Variants in EIF2B3 observed in about 807,000 individuals in gnomAD.
EIF2B3 encodes translation initiation factor eIF2B subunit gamma.
A neutral mutation model predicts 54.1 loss-of-function variants in EIF2B3; 20 were observed. That is an observed-to-expected ratio of 0.37 (90% CI 0.26 to 0.54). The LOEUF (loss-of-function observed/expected upper bound fraction) is 0.54. Among genes scored for constraint, EIF2B3 ranks in the 20% least tolerant of loss-of-function variants. The pLI, the probability that EIF2B3 is intolerant of heterozygous loss-of-function variation, is 0.86. For missense variants in EIF2B3, 448 were observed against 547.8 expected (o/e 0.82, Z 1.82); for synonymous variants, 153 against 188.1 (o/e 0.81, Z 1.52).
At chr1:44,959,151 G>T in intron 3 of EIF2B3, 1 of 727,196 alleles carries the variant, frequency 1.4e-6, no homozygotes, top group East Asian at 2.5e-5. Flanking sequence ...AACCATCTAC[G>T]ATTGCACAGT....
chr1:44,877,189 C>CAAAAA (rs1655196149), intron 8 of EIF2B3, among the ~76,000 whole-genome samples: 1 of 29,464 alleles, frequency 3.4e-5, no homozygotes. Context: ...CAAGAATGAT[C>CAAAAA]AATAAAAAAA....
chr1:44,973,800 A>G (rs1435734345), intron 3 of EIF2B3, among the ~76,000 whole-genome samples: 3 of 152,196 alleles, frequency 2.0e-5, no homozygotes, highest in Non-Finnish European at 4.4e-5. Context: ...GGTAGCTGCC[A>G]TGGGCTAGGA....
chr1:44,863,990 C>T (rs1222578086), intron 10 of EIF2B3, among the ~76,000 whole-genome samples: 1 of 152,146 alleles, frequency 6.6e-6, no homozygotes, highest in African/African-American at 2.4e-5. Flanking sequence ...AAATTTCCTC[C>T]TTTTAGTTCT....
intron 10 of EIF2B3, among the ~76,000 whole-genome samples, chr1:44,868,397 CAAAAAAAAAAAAA>C (rs34094245): frequency 3.1e-5 from 2 of 65,436 alleles, no homozygotes; most frequent in South Asian, 6.2e-4. Context: ...GACTCCGTCT[CAAAAAAAAAAAAA>C]AAAAAAAAAA....
At chr1:44,906,703 A>T (rs935045215) in intron 5 of EIF2B3, among the ~76,000 whole-genome samples, 1 of 152,172 alleles carries the variant, frequency 6.6e-6, no homozygotes, top group African/African-American at 2.4e-5. Flanking sequence ...CCCGGGATAA[A>T]AGATATTATG....
At chr1:44,869,888 G>A (rs1162797743) in intron 10 of EIF2B3, among the ~76,000 whole-genome samples, 2 of 152,046 alleles carry the variant, frequency 1.3e-5, no homozygotes, top group South Asian at 2.1e-4. Flanking sequence ...TATAGAAGAC[G>A]AAGAATGATG....
At chr1:44,928,699 A>C (rs1394198030) in intron 4 of EIF2B3, among the ~76,000 whole-genome samples, 1 of 152,078 alleles carries the variant, frequency 6.6e-6, no homozygotes, top group Non-Finnish European at 1.5e-5. Context: ...AGGCTGCTAT[A>C]TTATTGCTAT....
chr1:44,864,422 C>T (rs1377363249), intron 10 of EIF2B3, among the ~76,000 whole-genome samples: 3 of 151,852 alleles, frequency 2.0e-5, no homozygotes, highest in South Asian at 2.1e-4. Context: ...ATTAGCCTGG[C>T]GTGATGGTGT....
chr1:44,853,924 G>T (rs1449100139), intron 11 of EIF2B3, among the ~76,000 whole-genome samples: 1 of 151,996 alleles, frequency 6.6e-6, no homozygotes, highest in Non-Finnish European at 1.5e-5. Context: ...TCTGGCCATA[G>T]GGAAGAGATC....
At chr1:44,913,109 TAAAAAAAAAAAA>T (rs552977811) in intron 5 of EIF2B3, among the ~76,000 whole-genome samples, 19 of 103,278 alleles carry the variant, frequency 1.8e-4, no homozygotes, top group South Asian at 3.5e-4. Flanking sequence ...CGGTTTTTGT[TAAAAAAAAAAAA>T]AAAAAAAAAA....
chr1:44,853,552 G>A (rs1028685710), intron 11 of EIF2B3, among the ~76,000 whole-genome samples: 2 of 152,164 alleles, frequency 1.3e-5, no homozygotes, highest in African/African-American at 4.8e-5. Context: ...GCTACAGTGA[G>A]CTGTGACTGT....
At chr1:44,875,942 G>A (rs1398443780) in intron 8 of EIF2B3, among the ~76,000 whole-genome samples, 3 of 152,186 alleles carry the variant, frequency 2.0e-5, no homozygotes, top group Non-Finnish European at 2.9e-5. Flanking sequence ...GCGCCGCCAC[G>A]CCTGACTGGT....
chr1:44,863,636 A>C (rs372461205), intron 10 of EIF2B3, among the ~76,000 whole-genome samples: 5 of 152,174 alleles, frequency 3.3e-5, no homozygotes, highest in Non-Finnish European at 7.3e-5. Flanking sequence ...GAAACAAACA[A>C]TCCAACTTGC....
chr1:44,907,216 CAG>C (rs1379407581), intron 5 of EIF2B3, among the ~76,000 whole-genome samples: 3 of 152,142 alleles, frequency 2.0e-5, no homozygotes, highest in Admixed American at 6.6e-5. Flanking sequence ...ATATTGTATC[CAG>C]AGTTATCTTT....
At chr1:44,868,121 G>A (rs1048222311) in intron 10 of EIF2B3, among the ~76,000 whole-genome samples, 9 of 152,168 alleles carry the variant, frequency 5.9e-5, no homozygotes, top group South Asian at 2.1e-4. Flanking sequence ...AGTGTTGGCC[G>A]GGCGCAATGG....
rs546721740 is a variant in EIF2B3 at position 44,883,895 on chromosome 1, G to A, written c.657-2156C>T. ...GCTCTGCTGCCCAGGCTGGAGTGCA[G>A]TGGTGCAATCACAACTCACTGCAGT... is the stretch of plus-strand genomic sequence containing the variant. On this transcript the variant is annotated intron_variant, in intron 6 of 11. Transcript: ENST00000360403. Among the ~76,000 whole-genome samples, 6 of 152,276 alleles carry A rather than the reference G, an allele frequency of 3.9e-5. No homozygotes were observed. The South Asian group carries it at 1.2e-3, about 32-fold the overall frequency.
rs189605957 is a variant in EIF2B3 at position 44,883,076 on chromosome 1, C to G, written c.657-1337G>C. On this transcript the variant is annotated intron_variant, in intron 6 of 11. Transcript: ENST00000360403. ...CCCAAGTAGCTGGGATTACAGGCGCCGGCCACCATGCCTGGCTAATTTTTG... is the reference window on the plus strand; with the variant it reads ...CCCAAGTAGCTGGGATTACAGGCGCGGGCCACCATGCCTGGCTAATTTTTG... 2.7e-5 allele frequency among the ~76,000 whole-genome samples: 4 copies of G among 150,196 alleles called. No homozygotes were observed. The South Asian group carries it at 8.6e-4, about 32-fold the overall frequency.
intron 11 of EIF2B3, among the ~76,000 whole-genome samples, chr1:44,853,665 CA>C (rs999856492): frequency 2.0e-5 from 3 of 152,132 alleles, no homozygotes; most frequent in African/African-American, 7.2e-5. Context: ...GAGTAGGGTC[CA>C]GTAAATACAC....
intron 11 of EIF2B3, among the ~76,000 whole-genome samples, chr1:44,853,245 A>C (rs978382509): frequency 3.9e-5 from 6 of 152,064 alleles, no homozygotes; most frequent in African/African-American, 1.4e-4. Context: ...AACAGAGACT[A>C]TATCTGGCAT....
Sources: gnomAD v4.1 joint callset for allele counts (sites outside exome capture counted in the v4.1 genomes callset) on GRCh38, gnomAD v4.1.1 for gene constraint, MANE v1.5 for transcripts, NCBI Gene and HGNC (gene_info 2026-07-23, HGNC 2026-07-21) for gene names.